RAB3GAP2: variants seen among roughly 807,000 people sequenced by gnomAD.
RAB3GAP2 encodes RAB3 GTPase activating non-catalytic protein subunit 2.
A neutral mutation model predicts 185.3 loss-of-function variants in RAB3GAP2; 87 were observed. The ratio of observed to expected loss-of-function variants is 0.47; its 90% CI spans 0.39 to 0.56. The LOEUF (loss-of-function observed/expected upper bound fraction) is 0.56, where lower values mean the gene tolerates loss of function less well. Among genes scored for constraint, RAB3GAP2 ranks in the 20% least tolerant of loss-of-function variants. RAB3GAP2 has a pLI of 0.00. For missense variants in RAB3GAP2, 1,492 were observed against 1,638.2 expected, an observed-to-expected ratio of 0.91 and a Z score of 1.54; for synonymous variants, 554 against 576.1, an observed-to-expected ratio of 0.96 and a Z score of 0.55.
At chr1:220,260,406 T>C (rs1439542424) in intron 1 of RAB3GAP2, among the ~76,000 whole-genome samples, 1 of 152,206 alleles carries the variant, frequency 6.6e-6, no homozygotes, top group Non-Finnish European at 1.5e-5. Context: ...CATGGAATAC[T>C]ATGCAGCCAT....
At position 220,158,731 on chromosome 1, in the gene RAB3GAP2, G is replaced by A. The variant is rs754925654; in HGVS notation, c.3261+655C>T. Among the ~76,000 whole-genome samples the A allele has an allele frequency of 1.4e-4, 21 of 150,872 alleles. No individual in the cohort carries two copies. The highest frequency in any genetic ancestry group is 2.4e-4 in the Non-Finnish European group (16 of 67,908). ...GCTAGGATTACAGGCGTGAGCCACCGCGCCCTGCCATATAATCTTTTTAAA... is the reference window on the plus strand; with the variant it reads ...GCTAGGATTACAGGCGTGAGCCACCACGCCCTGCCATATAATCTTTTTAAA... On this transcript the variant is annotated intron_variant, in intron 29 of 34. Coordinates refer to ENST00000358951, the MANE Select transcript of RAB3GAP2 (RefSeq NM_012414.4). The surrounding 1 kb of genome is among the most constrained non-coding windows in gnomAD (Gnocchi z 4.3).
intron 2 of RAB3GAP2, among the ~76,000 whole-genome samples, chr1:220,218,074 C>T (rs1659230485): frequency 1.3e-5 from 2 of 152,168 alleles, no homozygotes; most frequent in Non-Finnish European, 2.9e-5. Flanking sequence ...ATTATGATAT[C>T]CCTAACCTGC....
intron 16 of RAB3GAP2, 104 bp from the exon 17 acceptor site, chr1:220,189,871 AT>A: frequency 1.7e-6 from 2 of 1,151,180 alleles, no homozygotes; most frequent in Non-Finnish European, 2.5e-6. Context: ...AGTCTAAAGG[AT>A]TTTTGGGTTC....
intron 21 of RAB3GAP2, among the ~76,000 whole-genome samples, chr1:220,177,961 C>A (rs1396390802): frequency 6.6e-6 from 1 of 152,060 alleles, no homozygotes; most frequent in East Asian, 1.9e-4. Flanking sequence ...CAAGGGTCAC[C>A]AATCCGAGTT....
At chr1:220,210,573 C>G in intron 6 of RAB3GAP2, 84 bp from the exon 7 acceptor site, 1 of 1,129,276 alleles carries the variant, frequency 8.9e-7, no homozygotes, top group Non-Finnish European at 1.4e-6. Flanking sequence ...AGTACCATTT[C>G]CCCAACAGTT....
At chr1:220,254,070 G>C in intron 1 of RAB3GAP2, 1 of 1,613,872 alleles carries the variant, frequency 6.2e-7, no homozygotes, top group Non-Finnish European at 8.5e-7. Context: ...TAAAACCGTG[G>C]CTTGTTGATG....
intron 2 of RAB3GAP2, among the ~76,000 whole-genome samples, chr1:220,215,480 T>A (rs930887927): frequency 1.3e-5 from 2 of 152,178 alleles, no homozygotes; most frequent in Non-Finnish European, 2.9e-5. Flanking sequence ...TTTTCTCATA[T>A]ACTTAAGAAA....
At chr1:220,182,542 C>T (rs1356008458) in intron 20 of RAB3GAP2, among the ~76,000 whole-genome samples, 176 bp downstream of exon 20, 6 of 152,146 alleles carry the variant, frequency 3.9e-5, no homozygotes, top group South Asian at 2.1e-4. Context: ...CTTTAGTATA[C>T]TCATTAATAC....
intron 1 of RAB3GAP2, chr1:220,254,106 A>C (rs989640523): frequency 2.5e-6 from 4 of 1,613,830 alleles, no homozygotes; most frequent in Non-Finnish European, 3.4e-6. Context: ...CCAGGCAAAA[A>C]CAGCTCTTTT....
chr1:220,174,807 A>G (rs558009749), intron 21 of RAB3GAP2, among the ~76,000 whole-genome samples: 2 of 152,280 alleles, frequency 1.3e-5, no homozygotes, highest in Non-Finnish European at 2.9e-5. Context: ...GATAAGGGGG[A>G]GTCACTGTCA....
At chr1:220,192,206 G>A (rs1449621436) in intron 13 of RAB3GAP2, among the ~76,000 whole-genome samples, 1 of 152,158 alleles carries the variant, frequency 6.6e-6, no homozygotes, top group Non-Finnish European at 1.5e-5. Context: ...CAAACACCAA[G>A]GAGAAATGAT....
In RAB3GAP2 at chr1:220,198,022, G is replaced by A. The variant is rs572468207; in HGVS notation, c.812-1624C>T. Among the ~76,000 whole-genome samples the A allele has an allele frequency of 1.2e-4, 18 of 152,022 alleles. No individual in the cohort carries two copies. The South Asian group carries it at 3.3e-3, about 28-fold the overall frequency. On this transcript the variant is annotated intron_variant, in intron 9 of 34. Transcript: ENST00000358951. Reference sequence around the variant, plus strand: ...CTCCCTGCAGTAATTTCACAATTTCGAGTTTAAACTAATTAATCCTACTAT... The same window carrying A: ...CTCCCTGCAGTAATTTCACAATTTCAAGTTTAAACTAATTAATCCTACTAT...
At chr1:220,261,969 T>C (rs898890594) in intron 1 of RAB3GAP2, among the ~76,000 whole-genome samples, 1 of 151,848 alleles carries the variant, frequency 6.6e-6, no homozygotes, top group Non-Finnish European at 1.5e-5. Context: ...ATTAATCTAA[T>C]TGATTGACAT....
intron 1 of RAB3GAP2, among the ~76,000 whole-genome samples, chr1:220,241,900 G>T (rs1243654283): frequency 2.0e-5 from 3 of 151,676 alleles, no homozygotes; most frequent in Non-Finnish European, 4.4e-5. Context: ...AAAAAGTTAA[G>T]CATGTCTAAA....
At chr1:220,200,975 A>G (rs1473597552) in intron 9 of RAB3GAP2, among the ~76,000 whole-genome samples, 1 of 152,192 alleles carries the variant, frequency 6.6e-6, no homozygotes, top group Non-Finnish European at 1.5e-5. Flanking sequence ...TGGAGAAACA[A>G]TAAGTGTGTC....
chr1:220,247,741 AC>A (rs936811306), intron 1 of RAB3GAP2, among the ~76,000 whole-genome samples: 11 of 152,168 alleles, frequency 7.2e-5, no homozygotes, highest in African/African-American at 2.7e-4. Flanking sequence ...GTACCCCCAA[AC>A]TGTTGAAATT....
At chr1:220,192,751 G>A (rs1658648993) in intron 13 of RAB3GAP2, among the ~76,000 whole-genome samples, 1 of 152,286 alleles carries the variant, frequency 6.6e-6, no homozygotes, top group South Asian at 2.1e-4. Context: ...ACTGTGGTCT[G>A]TTACTCAGGT....
At chr1:220,269,065 A>T (rs1660285532) in intron 1 of RAB3GAP2, among the ~76,000 whole-genome samples, 1 of 152,242 alleles carries the variant, frequency 6.6e-6, no homozygotes, top group Admixed American at 6.5e-5. Flanking sequence ...ACAGGATGAT[A>T]TGATTGAGAA....
At chr1:220,226,367 C>T (rs1164636859) in intron 2 of RAB3GAP2, among the ~76,000 whole-genome samples, 1 of 151,978 alleles carries the variant, frequency 6.6e-6, no homozygotes, top group African/African-American at 2.4e-5. Flanking sequence ...AAATATTCTC[C>T]TCTAATTACT....
Sources: allele counts gnomAD v4.1 joint callset (sites outside exome capture counted in the v4.1 genomes callset), GRCh38; gene constraint gnomAD v4.1.1; non-coding constraint Gnocchi (gnomAD v3.1); transcripts MANE v1.5; gene names NCBI Gene and HGNC (gene_info 2026-07-23, HGNC 2026-07-21).